Variants in POU2F1 observed in about 807,000 individuals in gnomAD.
POU2F1 encodes POU domain, class 2, transcription factor 1.
Under a neutral mutation model 84.9 loss-of-function variants are expected in POU2F1, and 16 were observed. The ratio of observed to expected loss-of-function variants is 0.19; its 90% confidence interval spans 0.13 to 0.29. The LOEUF (loss-of-function observed/expected upper bound fraction) is 0.29. Among genes scored for constraint, POU2F1 ranks in the 10% least tolerant of loss-of-function variants. The pLI, the probability that POU2F1 is intolerant of heterozygous loss-of-function variation, is 1.00. For missense variants in POU2F1, 738 were observed against 942.6 expected, an observed-to-expected ratio of 0.78 and a Z score of 2.84; for synonymous variants, 368 against 368.3, an observed-to-expected ratio of 1.00 and a Z score of 0.01.
At chr1:167,355,844 G>C (rs1260865221) in intron 2 of POU2F1, among the ~76,000 whole-genome samples, 1 of 151,962 alleles carries the variant, frequency 6.6e-6, no homozygotes, top group Non-Finnish European at 1.5e-5. Flanking sequence ...TATGGAACTT[G>C]CTGTATTTTG....
intron 1 of POU2F1, among the ~76,000 whole-genome samples, chr1:167,249,902 C>G (rs1650595885): frequency 6.6e-6 from 1 of 152,154 alleles, no homozygotes; most frequent in African/African-American, 2.4e-5. Context: ...ATAATGAAAG[C>G]ATCATTTGCA....
intron 1 of POU2F1, among the ~76,000 whole-genome samples, chr1:167,241,883 G>A (rs751887572): frequency 6.6e-6 from 1 of 152,166 alleles, no homozygotes; most frequent in Admixed American, 6.5e-5. Flanking sequence ...TTTGATTCCA[G>A]TTTTCATGCT....
At chr1:167,239,110 C>CCTAACA (rs1649718807) in intron 1 of POU2F1, among the ~76,000 whole-genome samples, 1 of 152,172 alleles carries the variant, frequency 6.6e-6, no homozygotes, top group Non-Finnish European at 1.5e-5. Flanking sequence ...AGCCAACTGT[C>CCTAACA]CTAACACTAC....
chr1:167,391,324 A>AT (rs1648382333), intron 9 of POU2F1, among the ~76,000 whole-genome samples: 1 of 152,150 alleles, frequency 6.6e-6, no homozygotes, highest in Non-Finnish European at 1.5e-5. Flanking sequence ...GTAAAAAAAA[A>AT]CTGAAGTATG....
chr1:167,377,540 T>C (rs1216221802), intron 7 of POU2F1, among the ~76,000 whole-genome samples: 1 of 152,240 alleles, frequency 6.6e-6, no homozygotes, highest in Non-Finnish European at 1.5e-5. Context: ...TGAGCCAAGA[T>C]TGAACCACTG....
In POU2F1 at chr1:167,413,120, T is replaced by C. The variant is rs772697444; in HGVS notation, c.1990+6T>C. 1 of 1,608,286 alleles carries C rather than the reference T, an allele frequency of 6.2e-7. No individual in the cohort carries two copies. The highest frequency in any genetic ancestry group is 1.1e-5 in the South Asian group (1 of 90,940). On this transcript the variant is annotated splice_donor_region_variant and intron_variant, in intron 15 of 15. Coordinates refer to ENST00000367866, the MANE Select transcript of POU2F1 (RefSeq NM_002697.4). Reference sequence around the variant, plus strand: ...TACACTGGCAACTATTCAAGGTCAGTAGAAGCCTTTTTCTTAATTTGGTGG... The same window carrying C: ...TACACTGGCAACTATTCAAGGTCAGCAGAAGCCTTTTTCTTAATTTGGTGG...
intron 2 of POU2F1, among the ~76,000 whole-genome samples, chr1:167,350,485 A>C (rs1571346881): frequency 6.6e-6 from 1 of 152,158 alleles, no homozygotes; most frequent in East Asian, 1.9e-4. Context: ...TTAGCTAAAG[A>C]ACATGGGGAA....
At chr1:167,292,200 A>G (rs1197986411) in intron 1 of POU2F1, among the ~76,000 whole-genome samples, 2 of 152,034 alleles carry the variant, frequency 1.3e-5, no homozygotes, top group African/African-American at 2.4e-5. Context: ...TATGATATCT[A>G]TTATATAAGT....
At chr1:167,329,217 C>T (rs1443479214) in intron 1 of POU2F1, 8 of 1,539,634 alleles carry the variant, frequency 5.2e-6, no homozygotes, top group Non-Finnish European at 7.0e-6. Flanking sequence ...TTTCCCCACC[C>T]CAAACTGCTA....
chr1:167,395,772 T>C (rs147379414), intron 9 of POU2F1, among the ~76,000 whole-genome samples: 43 of 152,224 alleles, frequency 2.8e-4, no homozygotes, highest in African/African-American at 1.0e-3. Flanking sequence ...ACCTGCCTAA[T>C]ATTTGTATTT....
rs1406774857 is a variant in POU2F1, at chr1:167,423,667, A to T, written c.*7857A>T. 9 of 152,258 alleles carry T rather than the reference A, an allele frequency of 5.9e-5. No homozygotes were observed. Among genetic ancestry groups the T allele is most frequent in the Non-Finnish European group, 7.3e-5 (5 of 68,056 alleles). 9.4% of individuals were successfully genotyped at this position (152,258 alleles called of 1,614,324 possible). A position where few individuals can be genotyped will look rare whatever the true frequency, so the allele number is the denominator to read the frequency against. ...CAGGGCCACCTTCTGGTTTAAACCC[A>T]GGACACTGTCAAAAAGTTAAGACCC... On this transcript the variant is annotated 3_prime_UTR_variant, in exon 16 of 16. Transcript: ENST00000367866.
intron 13 of POU2F1, among the ~76,000 whole-genome samples, chr1:167,407,103 T>C (rs912604111): frequency 1.3e-5 from 2 of 152,092 alleles, no homozygotes; most frequent in Non-Finnish European, 2.9e-5. Flanking sequence ...CAATCACATT[T>C]CACTGCAGCC....
intron 1 of POU2F1, among the ~76,000 whole-genome samples, chr1:167,251,011 C>T (rs1193899023): frequency 6.6e-6 from 1 of 152,120 alleles, no homozygotes; most frequent in Non-Finnish European, 1.5e-5. Flanking sequence ...ATTTAAGTAA[C>T]AACAGTTTTG....
At chr1:167,282,755 C>T (rs1653244875) in intron 1 of POU2F1, among the ~76,000 whole-genome samples, 1 of 152,186 alleles carries the variant, frequency 6.6e-6, no homozygotes, top group Non-Finnish European at 1.5e-5. Flanking sequence ...CTCTAACTTT[C>T]CTATAGGGTT....
intron 1 of POU2F1, among the ~76,000 whole-genome samples, chr1:167,256,134 G>T (rs745813443): frequency 6.6e-6 from 1 of 152,152 alleles, no homozygotes; most frequent in Non-Finnish European, 1.5e-5. Flanking sequence ...AAGATTCTTT[G>T]TGCTTAAACC....
chr1:167,232,284 C>T (rs749835251), intron 1 of POU2F1, among the ~76,000 whole-genome samples: 1 of 152,206 alleles, frequency 6.6e-6, no homozygotes, highest in African/African-American at 2.4e-5. Flanking sequence ...TATACAATGG[C>T]AGTCCCATAA....
chr1:167,356,043 A>G (rs1346670703), intron 2 of POU2F1, among the ~76,000 whole-genome samples: 1 of 151,622 alleles, frequency 6.6e-6, no homozygotes, highest in Non-Finnish European at 1.5e-5. Context: ...GACTTCCCTC[A>G]GATCAGGTGA....
intron 1 of POU2F1, among the ~76,000 whole-genome samples, chr1:167,302,898 G>A (rs1051436772): frequency 3.9e-5 from 6 of 152,158 alleles, no homozygotes; most frequent in African/African-American, 1.2e-4. Context: ...GGATTCTGAG[G>A]CCTCATGACA....
intron 2 of POU2F1, among the ~76,000 whole-genome samples, chr1:167,340,494 C>G (rs1253221621): frequency 6.8e-6 from 1 of 146,758 alleles, no homozygotes; most frequent in South Asian, 2.1e-4. Flanking sequence ...TGTAGTGGCA[C>G]GATCTCGGCT....
Sources: gnomAD v4.1 joint callset for allele counts (sites outside exome capture counted in the v4.1 genomes callset) on GRCh38, gnomAD v4.1.1 for gene constraint, MANE v1.5 for transcripts, NCBI Gene and HGNC (gene_info 2026-07-23, HGNC 2026-07-21) for gene names.